TYRP1: variants seen among roughly 807,000 people sequenced by gnomAD.
TYRP1 encodes the protein tyrosinase related protein 1.
In TYRP1, 49 loss-of-function variants were observed where a neutral mutation model predicts 42.8. That is an observed-to-expected ratio of 1.14 (90% CI 0.91 to 1.45). TYRP1 has a LOEUF of 1.45. TYRP1 is among the 40% of genes most tolerant of loss of function. The pLI, the probability that TYRP1 is intolerant of heterozygous loss-of-function variation, is 0.00. For synonymous variants in TYRP1, 279 were observed against 235.4 expected, an observed-to-expected ratio of 1.19 and a Z score of -1.69; for missense variants, 848 against 662.0, an observed-to-expected ratio of 1.28 and a Z score of -3.08.
At chr9:12,695,492 G>C (rs748922199) in intron 2 of TYRP1, 23 bp from the exon 3 acceptor site, 17 of 1,612,718 alleles carry the variant, frequency 1.1e-5, no homozygotes, top group Non-Finnish European at 1.3e-5. Context: ...ATGTTTTCAT[G>C]CTTGAATTTT....
Position 12,709,358 on chromosome 9 carries a change from T to C in TYRP1, c.*176T>C. On this transcript the variant is annotated 3_prime_UTR_variant, in exon 8 of 8. Coordinates refer to ENST00000388918, the MANE Select transcript of TYRP1 (RefSeq NM_000550.3). ...GCTGGGAAGACCCTTTCAGAATCTT[T>C]TCAATGGGTTTTAATTTTCAGTTCT... 1 of 648,630 alleles carries C rather than the reference T, an allele frequency of 1.5e-6. No individual in the cohort carries two copies. The highest frequency in any genetic ancestry group is 2.7e-6 in the Non-Finnish European group (1 of 374,506). The allele number at this position is 648,630 out of a possible 1,614,324, so 40.2% of individuals were successfully genotyped here.
At chr9:12,698,773 T>G in intron 4 of TYRP1, 118 bp downstream of exon 4, 1 of 983,976 alleles carries the variant, frequency 1.0e-6, no homozygotes, top group Non-Finnish European at 1.6e-6. Context: ...ACTTTTATTA[T>G]AGAGTAACAG....
chr9:12,696,126 C>T (rs1246341560), intron 3 of TYRP1, among the ~76,000 whole-genome samples: 3 of 152,130 alleles, frequency 2.0e-5, no homozygotes, highest in African/African-American at 7.2e-5. Flanking sequence ...GAAAACATGA[C>T]TTTCATAAAG....
In TYRP1 at chr9:12,694,070, A is replaced by C. The variant is rs1649120987; in HGVS notation, c.74A>C (p.Gln25Pro). 6.2e-7 allele frequency: 1 copy of C among 1,613,954 alleles called. No homozygotes were observed. The highest frequency in any genetic ancestry group is 1.3e-5 in the African/African-American group (1 of 74,964). ...PLLLFQQARA[Q>P]FPRQCATVEA... ...CTACTTTTTCAGCAGGCCCGGGCTC[A>C]ATTCCCAAGACAGTGTGCCACTGTT... Residue 25 changes from glutamine (Q) to proline (P), a missense_variant, in exon 2 of 8, where the codon CAA becomes CCA. Physicochemically the swap from Gln to Pro is moderately conservative, Grantham distance 76. Transcript: ENST00000388918.
At chr9:12,697,645 G>C (rs1461101929) in intron 3 of TYRP1, among the ~76,000 whole-genome samples, 1 of 152,020 alleles carries the variant, frequency 6.6e-6, no homozygotes, top group South Asian at 2.1e-4. Context: ...ACTTCTCAAG[G>C]CACCAAAGAA....
At position 12,704,581 on chromosome 9, in the gene TYRP1, G is replaced by C. The variant is rs1158047998; in HGVS notation, c.1137G>C (p.Leu379Phe). 1.1e-5 allele frequency: 17 copies of C among 1,613,046 alleles called. No homozygotes were observed. Among genetic ancestry groups the C allele is most frequent in the Non-Finnish European group, 1.4e-5 (17 of 1,179,478 alleles). ...YDPAVRSLHN[L>F]AHLFLNGTGG... is the part of the protein sequence containing the mutation. Reference sequence around the variant, plus strand: ...CTGCTGTTCGAAGTCTTCACAATTTGGCTCATCTATTCCTGAATGGAACAG... The same window carrying C: ...CTGCTGTTCGAAGTCTTCACAATTTCGCTCATCTATTCCTGAATGGAACAG... Residue 379 changes from leucine to phenylalanine, a missense_variant, in exon 6 of 8, where the codon TTG becomes TTC. Transcript: ENST00000388918.
Position 12,695,465 on chromosome 9 carries a change from C to G in TYRP1, c.386-50C>G, listed in dbSNP as rs776441173. On this transcript the variant is annotated intron_variant, in intron 2 of 7. Transcript: ENST00000388918. ...CAAGATGATTATGCTCTTTCTCTAC[C>G]CATCCCCGCAAGGCAGATGTTTTCA... 8 of 1,551,700 alleles carry G rather than the reference C, an allele frequency of 5.2e-6. No homozygotes were observed. In the South Asian group the frequency reaches 8.9e-5, roughly 17 times the overall value.
rs1818291453 is a variant in TYRP1, at chr9:12,708,159, G to GTATT, written c.1408+18_1408+21dup. 2 of 1,612,122 alleles carry GTATT rather than the reference G, an allele frequency of 1.2e-6. No homozygotes were observed. The highest frequency in any genetic ancestry group is 1.7e-4 in the Middle Eastern group (1 of 6,046). On this transcript the variant is annotated intron_variant, in intron 7 of 7. Transcript: ENST00000388918. The stretch of plus-strand genomic sequence containing the variant: ...CAATGGCCAAGTGAGTGTTGAAAGT[G>GTATT]TATTTTTACTGTGATAATTTCCAAA...
chr9:12,702,541 C>T, intron 5 of TYRP1, 103 bp downstream of exon 5: 1 of 1,188,494 alleles, frequency 8.4e-7, no homozygotes, highest in Non-Finnish European at 1.2e-6. Context: ...GTATATTAAT[C>T]CTGTGTGTTT....
At chr9:12,706,789 A>T (rs550725612) in intron 6 of TYRP1, among the ~76,000 whole-genome samples, 1 of 152,054 alleles carries the variant, frequency 6.6e-6, no homozygotes, top group South Asian at 2.1e-4. Flanking sequence ...AAAATTTATA[A>T]AACTGTCTGT....
intron 7 of TYRP1, among the ~76,000 whole-genome samples, 176 bp downstream of exon 7, chr9:12,708,319 C>A (rs1818294779): frequency 6.6e-6 from 1 of 151,934 alleles, no homozygotes; most frequent in Non-Finnish European, 1.5e-5. Context: ...AGAGTCCACA[C>A]TAAGCTGATA....
chr9:12,702,532 T>C lies in TYRP1; in HGVS notation c.1081+94T>C, dbSNP rs41305296. 3 of 1,239,878 alleles carry C rather than the reference T, an allele frequency of 2.4e-6. No individual in the cohort carries two copies. In the African/African-American group the frequency reaches 4.5e-5, roughly 19 times the overall value. The allele number at this position is 1,239,878 out of a possible 1,614,324, so 76.8% of individuals were successfully genotyped here. On this transcript the variant is annotated intron_variant, in intron 5 of 7. Coordinates refer to ENST00000388918, the MANE Select transcript of TYRP1 (RefSeq NM_000550.3). Reference sequence around the variant, plus strand: ...GTTTCTTTGAGAAGGCTTTGAATAGTATATTAATCCTGTGTGTTTATGTGA... The same window carrying C: ...GTTTCTTTGAGAAGGCTTTGAATAGCATATTAATCCTGTGTGTTTATGTGA...
chr9:12,709,268 A>ACTT lies in TYRP1; in HGVS notation c.*87_*89dup, dbSNP rs1818316622. 7.6e-7 allele frequency: 1 copy of ACTT among 1,314,660 alleles called. No homozygotes were observed. Among genetic ancestry groups the ACTT allele is most frequent in the Admixed American group, 1.7e-5 (1 of 58,910 alleles). The allele number at this position is 1,314,660 out of a possible 1,614,324, so 81.4% of individuals were successfully genotyped here. Reference sequence around the variant, plus strand: ...TGAGTTATTAACTGTATTTTCTTTCACTTTATTACCTTCTTTCTAATACAA... The same window carrying ACTT: ...TGAGTTATTAACTGTATTTTCTTTCACTTCTTTATTACCTTCTTTCTAATACAA... On this transcript the variant is annotated 3_prime_UTR_variant, in exon 8 of 8. Transcript: ENST00000388918.
intron 2 of TYRP1, among the ~76,000 whole-genome samples, chr9:12,695,303 G>T (rs1471049212): frequency 6.6e-6 from 1 of 152,142 alleles, no homozygotes; most frequent in East Asian, 1.9e-4. Context: ...AAATCATGCA[G>T]TAAATTGGAG....
At position 12,695,610 on chromosome 9, in the gene TYRP1, A is replaced by G. The variant is rs1308562697; in HGVS notation, c.481A>G (p.Ile161Val). ...GCGCACAACTCACCCTTTATTTGTC[A>G]TTGCCACCAGGAGATCAGAAGAAAT... The part of the protein sequence containing the change: ...AKRTTHPLFV[I>V]ATRRSEEILG... Residue 161 changes from isoleucine (I) to valine (V), a missense_variant, in exon 3 of 8, where the codon ATT becomes GTT. Coordinates refer to ENST00000388918, the MANE Select transcript of TYRP1 (RefSeq NM_000550.3). The G allele has an allele frequency of 2.5e-6, 4 of 1,614,172 alleles. No individual in the cohort carries two copies. Among genetic ancestry groups the G allele is most frequent in the South Asian group, 1.1e-5 (1 of 91,088 alleles).
chr9:12,704,488 C>G, intron 5 of TYRP1, 38 bp from the exon 6 acceptor site: 1 of 1,588,694 alleles, frequency 6.3e-7, no homozygotes, highest in Non-Finnish European at 8.6e-7. Context: ...GAAATATTTG[C>G]AATAGTTTTA....
intron 2 of TYRP1, 34 bp downstream of exon 2, chr9:12,694,415 G>A (rs779294636): frequency 5.0e-6 from 8 of 1,611,196 alleles, no homozygotes; most frequent in African/African-American, 4.0e-5. Flanking sequence ...CATAAGTCCT[G>A]CATGAGACTC....
In TYRP1 at chr9:12,695,780, A is replaced by T. The variant is rs373912509; in HGVS notation, c.651A>T (p.Gly217=). Residue 217 remains glycine (G), a synonymous_variant, in exon 3 of 8, where the codon GGA becomes GGT. Coordinates refer to ENST00000388918, the MANE Select transcript of TYRP1 (RefSeq NM_000550.3). ...SFGEVDFSHE[G]PAFLTWHRYH... is the part of the protein sequence containing the mutation. ...GTGAAGTGGATTTCTCTCATGAGGG[A>T]CCAGCTTTTCTCACATGGCACAGGT... The T allele has an allele frequency of 1.9e-5, 30 of 1,614,094 alleles. No homozygotes were observed. The African/African-American group carries it at 4.0e-4, about 22-fold the overall frequency.
At chr9:12,702,777 G>A (rs1818193227) in intron 5 of TYRP1, among the ~76,000 whole-genome samples, 1 of 151,836 alleles carries the variant, frequency 6.6e-6, no homozygotes, top group Non-Finnish European at 1.5e-5. Flanking sequence ...TCAAGACTTT[G>A]ACAGTGTATT....
Sources: gnomAD v4.1 joint callset for allele counts (sites outside exome capture counted in the v4.1 genomes callset) on GRCh38, gnomAD v4.1.1 for gene constraint, MANE v1.5 for transcripts, NCBI Gene and HGNC (gene_info 2026-07-23, HGNC 2026-07-21) for gene names.